The following PCDHGB1 variants were observed in gnomAD, a reference collection of about 807,000 sequenced individuals.
PCDHGB1 encodes the protein protocadherin gamma subfamily B, 1, also known as protocadherin gamma-B1.
Under a neutral mutation model 56.6 loss-of-function variants are expected in PCDHGB1, and 34 were observed. The ratio of observed to expected loss-of-function variants is 0.60; its 90% confidence interval spans 0.46 to 0.80. The LOEUF is 0.80. PCDHGB1 is among the 30% of genes least tolerant of loss of function. The pLI is 0.00. For missense variants in PCDHGB1, 1,278 were observed against 1,204.6 expected (o/e 1.06, Z -0.90); for synonymous variants, 561 against 505.9 (o/e 1.11, Z -1.46).
chr5:141,500,937 C>G (rs910002814), intron 2 of PCDHGB1, among the ~76,000 whole-genome samples: 1 of 151,804 alleles, frequency 6.6e-6, no homozygotes, highest in Non-Finnish European at 1.5e-5. Context: ...GGCGCCATCT[C>G]GGCTCACTGC....
intron 1 of PCDHGB1, chr5:141,367,869 G>A (rs1765370199): frequency 6.6e-6 from 1 of 152,012 alleles, no homozygotes; most frequent in Non-Finnish European, 1.5e-5. Context: ...AAGTGTAGGT[G>A]CAATTCTTCT....
rs1759048965 is a variant in PCDHGB1, at chr5:141,352,573, T to C, written c.2313T>C (p.Ala771=). The change falls in exon 1 of 4, where the codon GCT becomes GCC. Residue 771 remains alanine, a synonymous_variant. Transcript: ENST00000523390. The stretch of plus-strand genomic sequence containing the variant: ...CTCTCAACCTGACACCGGAAATGGC[T>C]CCCCCTCAGGATCTGCTGTGTGATG... ...FNSLNLTPEM[A]PPQDLLCDDP... 1.2e-6 allele frequency: 2 copies of C among 1,613,758 alleles called. No individual in the cohort carries two copies. The highest frequency in any genetic ancestry group is 2.7e-5 in the African/African-American group (2 of 74,918).
intron 1 of PCDHGB1, among the ~76,000 whole-genome samples, chr5:141,454,252 A>T (rs1288181537): frequency 6.6e-6 from 1 of 152,214 alleles, no homozygotes; most frequent in Non-Finnish European, 1.5e-5. Context: ...AAGATGTCCC[A>T]GAGAAAGTAA....
At chr5:141,388,612 G>T in intron 1 of PCDHGB1, 1 of 1,613,954 alleles carries the variant, frequency 6.2e-7, no homozygotes, top group Non-Finnish European at 8.5e-7. Flanking sequence ...CCAGTGTTCA[G>T]TCAAGACGTA....
chr5:141,354,739 T>G (rs1409989426), intron 1 of PCDHGB1, among the ~76,000 whole-genome samples: 1 of 152,248 alleles, frequency 6.6e-6, no homozygotes, highest in East Asian at 1.9e-4. Flanking sequence ...ATGTGAAAAC[T>G]GAAAAGAGGA....
Position 141,370,267 on chromosome 5 carries a change from C to T in PCDHGB1, c.2409+17598C>T. On this transcript the variant is annotated intron_variant, in intron 1 of 3. Coordinates refer to ENST00000523390, the MANE Select transcript of PCDHGB1 (RefSeq NM_018922.3). ...GCACTCTCTATCAGGCTTCCTGCAG[C>T]GGAGACACCCATTAGAGAACCCAAG... The T allele has an allele frequency of 6.5e-6, 5 of 767,402 alleles. No homozygotes were observed. The East Asian group carries it at 1.1e-4, about 17-fold the overall frequency. 47.5% of individuals were successfully genotyped at this position (767,402 alleles called of 1,614,324 possible). A position where few individuals can be genotyped will look rare whatever the true frequency, so the allele number is the denominator to read the frequency against.
At chr5:141,411,250 T>C (rs1009574489) in intron 1 of PCDHGB1, 1 of 152,156 alleles carries the variant, frequency 6.6e-6, no homozygotes, top group African/African-American at 2.4e-5. Context: ...ATTTACGATA[T>C]CTTATTTATA....
rs2233610 is a variant in PCDHGB1, at chr5:141,505,535, G to A, written c.2557+54G>A. ...AGTGGGAGACCTGGGGTTCTGGGGT[G>A]CATCTCACAGCCACCATGCCCACGG... is the stretch of plus-strand genomic sequence containing the variant. On this transcript the variant is annotated intron_variant, in intron 3 of 3. Transcript: ENST00000523390. 12 of 1,610,344 alleles carry A rather than the reference G, an allele frequency of 7.5e-6. No individual in the cohort carries two copies. The East Asian group carries it at 1.8e-4, about 24-fold the overall frequency.
At chr5:141,383,382 T>C in intron 1 of PCDHGB1, 1 of 1,614,050 alleles carries the variant, frequency 6.2e-7, no homozygotes, top group East Asian at 2.2e-5. Context: ...GGGATCCAGA[T>C]GTGGGCACGA....
intron 1 of PCDHGB1, chr5:141,385,538 G>A (rs914768371): frequency 4.1e-5 from 55 of 1,337,642 alleles, no homozygotes; most frequent in Non-Finnish European, 4.8e-5. Flanking sequence ...TTATGAATAT[G>A]TGGACTATCA....
intron 1 of PCDHGB1, among the ~76,000 whole-genome samples, chr5:141,450,572 T>C (rs1276283357): frequency 6.6e-6 from 1 of 151,710 alleles, no homozygotes; most frequent in Non-Finnish European, 1.5e-5. Context: ...CTGCAACTTC[T>C]GCCTCCCAGG....
chr5:141,371,752 A>G, intron 1 of PCDHGB1: 1 of 1,614,006 alleles, frequency 6.2e-7, no homozygotes, highest in Non-Finnish European at 8.5e-7. Flanking sequence ...CCCGTTTTCC[A>G]CCAGGCCTCC....
At chr5:141,416,200 T>G (rs1318033556) in intron 1 of PCDHGB1, 2 of 152,444 alleles carry the variant, frequency 1.3e-5, no homozygotes, top group African/African-American at 4.8e-5. Context: ...ATTAACAATT[T>G]ATTTATAACA....
chr5:141,499,479 C>T (rs1019775735), intron 2 of PCDHGB1, among the ~76,000 whole-genome samples: 1 of 152,146 alleles, frequency 6.6e-6, no homozygotes. Context: ...AGAACCACCA[C>T]CAACTACAGT....
At chr5:141,472,884 G>A (rs1426207609) in intron 1 of PCDHGB1, among the ~76,000 whole-genome samples, 2 of 151,610 alleles carry the variant, frequency 1.3e-5, no homozygotes, top group African/African-American at 4.8e-5. Flanking sequence ...TACTCGGGAG[G>A]CTGAGGCAGG....
intron 1 of PCDHGB1, among the ~76,000 whole-genome samples, chr5:141,456,911 C>T (rs1262649726): frequency 2.0e-5 from 3 of 151,928 alleles, no homozygotes; most frequent in Non-Finnish European, 4.4e-5. Flanking sequence ...TGCAGTGAGC[C>T]GAGATCGCAC....
chr5:141,432,706 C>T lies in PCDHGB1; in HGVS notation c.2410-62101C>T, dbSNP rs761752571. ...GCCTCGTAGTGGCCGTCCAGGACCA[C>T]GGCCAGCCCCCTCTCTCCGCCACTG... On this transcript the variant is annotated intron_variant, in intron 1 of 3. Transcript: ENST00000523390. The surrounding 1 kb of genome is among the most constrained non-coding windows in gnomAD (Gnocchi z 6.0). 10 of 1,613,870 alleles carry T rather than the reference C, an allele frequency of 6.2e-6. No homozygotes were observed. The East Asian group carries it at 1.1e-4, about 18-fold the overall frequency.
At chr5:141,372,619 C>T in intron 1 of PCDHGB1, 1 of 1,613,968 alleles carries the variant, frequency 6.2e-7, no homozygotes, top group African/African-American at 1.3e-5. Flanking sequence ...GTTCTCCCCA[C>T]CTACAGCGAA....
intron 1 of PCDHGB1, chr5:141,441,650 G>C (rs932742795): frequency 8.4e-6 from 2 of 238,510 alleles, no homozygotes; most frequent in African/African-American, 2.4e-5. Context: ...TGTGATTCTA[G>C]GTGTCCTTGA....
Sources: gnomAD v4.1 joint callset for allele counts (sites outside exome capture counted in the v4.1 genomes callset) on GRCh38, gnomAD v4.1.1 for gene constraint, Gnocchi (gnomAD v3.1) non-coding constraint, MANE v1.5 for transcripts, NCBI Gene and HGNC (gene_info 2026-07-23, HGNC 2026-07-21) for gene names.